RBL1: variants seen among roughly 807,000 people sequenced by gnomAD.
The protein encoded by RBL1 is retinoblastoma-like protein 1.
A neutral mutation model predicts 123.0 loss-of-function variants in RBL1; 82 were observed. The ratio of observed to expected loss-of-function variants is 0.67; its 90% CI spans 0.56 to 0.80. The LOEUF is 0.80. Among genes scored for constraint, RBL1 ranks in the 30% least tolerant of loss-of-function variants. The probability of loss-of-function intolerance (pLI) is 0.00; values close to 1 mark genes in which losing one functional copy is unlikely to be tolerated. For missense variants in RBL1, 1,171 were observed against 1,299.6 expected, an observed-to-expected ratio of 0.90 and a Z score of 1.52; for synonymous variants, 405 against 441.3, an observed-to-expected ratio of 0.92 and a Z score of 1.03.
intron 1 of RBL1, among the ~76,000 whole-genome samples, chr20:37,095,070 TG>T (rs1831812596): frequency 6.6e-6 from 1 of 152,258 alleles, no homozygotes; most frequent in Admixed American, 6.5e-5. Flanking sequence ...GCAAGAATGA[TG>T]GGGAAAAAAA....
At chr20:37,041,836 C>T (rs1039353064) in intron 13 of RBL1, among the ~76,000 whole-genome samples, 2 of 151,962 alleles carry the variant, frequency 1.3e-5, no homozygotes, top group Admixed American at 6.6e-5. Context: ...AGGCCAGGTG[C>T]AGTGGCTCAT....
chr20:37,019,331 T>C (rs2064304765), intron 18 of RBL1, among the ~76,000 whole-genome samples: 1 of 152,192 alleles, frequency 6.6e-6, no homozygotes, highest in African/African-American at 2.4e-5. Flanking sequence ...ACCTCTGAGA[T>C]AGCTGGAAAG....
intron 20 of RBL1, among the ~76,000 whole-genome samples, chr20:37,004,479 G>A: frequency 6.7e-6 from 1 of 149,134 alleles, no homozygotes; most frequent in East Asian, 2.0e-4. Flanking sequence ...TTGGGAGGCT[G>A]AGATGGGCGG....
At chr20:37,042,268 A>G (rs368430114) in intron 13 of RBL1, among the ~76,000 whole-genome samples, 5 of 152,260 alleles carry the variant, frequency 3.3e-5, no homozygotes, top group African/African-American at 9.6e-5. Context: ...ATATGCAAAC[A>G]GCTTACAAGC....
intron 2 of RBL1, among the ~76,000 whole-genome samples, chr20:37,072,423 T>C (rs996487048): frequency 1.3e-5 from 2 of 151,936 alleles, no homozygotes; most frequent in Non-Finnish European, 2.9e-5. Flanking sequence ...AGGTGGAAGT[T>C]GCGGGGAGGC....
intron 21 of RBL1, 126 bp from the exon 22 acceptor site, chr20:36,999,055 CTT>C (rs2063921885): frequency 8.3e-6 from 7 of 840,788 alleles, no homozygotes; most frequent in East Asian, 2.7e-5. Flanking sequence ...GATAAGGACT[CTT>C]TTTAAAACTT....
At chr20:37,061,906 A>G (rs2065101096) in intron 8 of RBL1, among the ~76,000 whole-genome samples, 178 bp downstream of exon 8, 1 of 152,256 alleles carries the variant, frequency 6.6e-6, no homozygotes, top group African/African-American at 2.4e-5. Context: ...GAATAGTAAG[A>G]AATGAGGTAA....
chr20:37,032,593 G>T, intron 16 of RBL1, 72 bp downstream of exon 16: 2 of 1,567,654 alleles, frequency 1.3e-6, no homozygotes, highest in African/African-American at 1.4e-5. Context: ...AAAGACCAAA[G>T]TCTGTCTCTG....
chr20:37,050,419 C>T (rs1243916290), intron 11 of RBL1, among the ~76,000 whole-genome samples: 1 of 150,998 alleles, frequency 6.6e-6, no homozygotes, highest in Non-Finnish European at 1.5e-5. Flanking sequence ...GTGGCTGGCA[C>T]CTGTAGTACC....
At chr20:37,088,249 G>A (rs1022235678) in intron 2 of RBL1, among the ~76,000 whole-genome samples, 198 of 132,384 alleles carry the variant, frequency 1.5e-3, no homozygotes, top group Non-Finnish European at 1.3e-3. Flanking sequence ...TGGGCAACAA[G>A]AGCAAAACTC....
chr20:37,072,847 G>A (rs1256452149), intron 2 of RBL1, among the ~76,000 whole-genome samples: 1 of 152,162 alleles, frequency 6.6e-6, no homozygotes, highest in African/African-American at 2.4e-5. Context: ...TGTGTGGCCA[G>A]CATCCTTTTG....
chr20:37,064,181 A>G (rs2065142420), intron 7 of RBL1, among the ~76,000 whole-genome samples: 1 of 137,948 alleles, frequency 7.2e-6, no homozygotes, highest in South Asian at 2.3e-4. Flanking sequence ...TCTGCTGCCC[A>G]GGCTGGAGTG....
At chr20:37,050,277 CT>C (rs2064887038) in intron 11 of RBL1, among the ~76,000 whole-genome samples, 1 of 152,046 alleles carries the variant, frequency 6.6e-6, no homozygotes, top group African/African-American at 2.4e-5. Context: ...GGCGCAGTGG[CT>C]CACGCCTGTA....
chr20:37,004,992 G>T (rs567051532), intron 20 of RBL1, among the ~76,000 whole-genome samples: 2 of 151,964 alleles, frequency 1.3e-5, no homozygotes, highest in Non-Finnish European at 2.9e-5. Flanking sequence ...AGTGAGCTGC[G>T]ATTATGTCAC....
chr20:37,086,068 GCTCT>G (rs1226586854), intron 2 of RBL1, among the ~76,000 whole-genome samples: 6 of 152,108 alleles, frequency 3.9e-5, no homozygotes, highest in Admixed American at 2.0e-4. Context: ...GCCATGTACT[GCTCT>G]ACATTTGTTT....
rs1235974519 is a variant in RBL1, at chr20:37,069,862, C to G, written c.291-1676G>C. Among the ~76,000 whole-genome samples the G allele has an allele frequency of 4.0e-5, 6 of 150,756 alleles. No individual in the cohort carries two copies. In the East Asian group the frequency reaches 7.9e-4, roughly 20 times the overall value. On this transcript the variant is annotated intron_variant, in intron 2 of 21. Transcript: ENST00000373664. ...GAGGGAGGTGGGGGGGTCAGCCCCCCGCCCGGCCAGCCGCCCCGTCCAGGA... is the reference window on the plus strand; with the variant it reads ...GAGGGAGGTGGGGGGGTCAGCCCCCGGCCCGGCCAGCCGCCCCGTCCAGGA...
chr20:37,058,980 C>T (rs367875289), intron 9 of RBL1, among the ~76,000 whole-genome samples: 3 of 152,160 alleles, frequency 2.0e-5, no homozygotes, highest in Non-Finnish European at 2.9e-5. Flanking sequence ...CTGATCCTCT[C>T]GCCTCAGCCT....
At position 37,032,725 on chromosome 20, in the gene RBL1, T is replaced by C. The variant is rs2146247184; in HGVS notation, c.2322A>G (p.Val774=). ...KQTNLTKAQE[V]HSTGINRPKR... is the part of the protein sequence containing the mutation. Reference sequence around the variant, plus strand: ...TTGGCCTGTTTATTCCAGTTGAATGTACCTCTTGTGCTTTAGTCAGATTGG... The same window carrying C: ...TTGGCCTGTTTATTCCAGTTGAATGCACCTCTTGTGCTTTAGTCAGATTGG... The change falls in exon 16 of 22, where the codon GTA becomes GTG. Residue 774 remains valine (V), a synonymous_variant. Coordinates refer to ENST00000373664, the MANE Select transcript of RBL1 (RefSeq NM_002895.5). 6.2e-7 allele frequency: 1 copy of C among 1,614,132 alleles called. No individual in the cohort carries two copies. The highest frequency in any genetic ancestry group is 1.3e-5 in the African/African-American group (1 of 75,074).
chr20:37,066,809 T>A lies in RBL1; in HGVS notation c.761A>T (p.Glu254Val). 6.2e-7 allele frequency: 1 copy of A among 1,613,230 alleles called. No homozygotes were observed. The highest frequency in any genetic ancestry group is 8.5e-7 in the Non-Finnish European group (1 of 1,179,278). ...TTCTACGAGAAGTCCATCATGCAGT[T>A]CACACAGTACAGCAATGATGCAGGG... ...EPPCIIAVLC[E>V]LHDGLLVEAK... The change falls in exon 6 of 22, where the codon GAA becomes GTA. Residue 254 changes from glutamate (E) to valine (V), a missense_variant. Transcript: ENST00000373664.
Sources: gnomAD v4.1 joint callset for allele counts (sites outside exome capture counted in the v4.1 genomes callset) on GRCh38, gnomAD v4.1.1 for gene constraint, MANE v1.5 for transcripts, NCBI Gene and HGNC (gene_info 2026-07-23, HGNC 2026-07-21) for gene names.